Variants in KAT6A observed in about 807,000 individuals in gnomAD.
KAT6A encodes the protein histone acetyltransferase KAT6A.
A neutral mutation model predicts 198.4 loss-of-function variants in KAT6A; 9 were observed. The observed-to-expected ratio is 0.05, with a 90% CI of 0.03 to 0.08. KAT6A has a LOEUF of 0.08. KAT6A is among the 10% of genes least tolerant of loss of function. The pLI is 1.00. For missense variants in KAT6A, 2,077 were observed against 2,509.9 expected (o/e 0.83, Z 3.69); for synonymous variants, 890 against 883.0 (o/e 1.01, Z -0.14).
intron 13 of KAT6A, 137 bp from the exon 14 acceptor site, chr8:41,943,137 A>C: frequency 8.8e-7 from 1 of 1,130,842 alleles, no homozygotes; most frequent in Non-Finnish European, 1.2e-6. Context: ...GATGGAATGC[A>C]GAAATGTGCC....
intron 2 of KAT6A, among the ~76,000 whole-genome samples, chr8:42,041,389 TGCTCCTGGTAC>T (rs1244482551): frequency 9.2e-5 from 14 of 152,180 alleles, no homozygotes; most frequent in African/African-American, 4.8e-5. Context: ...TCTAGGCCAC[TGCTCCTGGTAC>T]ATTTGGAGTC....
At chr8:42,029,926 C>T (rs1471977882) in intron 2 of KAT6A, among the ~76,000 whole-genome samples, 1 of 152,064 alleles carries the variant, frequency 6.6e-6, no homozygotes, top group South Asian at 2.1e-4. Flanking sequence ...TTATTTTGAA[C>T]TGTTTCTCAG....
At chr8:41,956,314 A>T (rs537193264) in intron 8 of KAT6A, among the ~76,000 whole-genome samples, 148 of 152,316 alleles carry the variant, frequency 9.7e-4, no homozygotes, top group African/African-American at 3.3e-3. Context: ...TATATCATGG[A>T]TGCTCTACAA....
intron 8 of KAT6A, among the ~76,000 whole-genome samples, chr8:41,965,400 A>C (rs985263940): frequency 6.6e-6 from 1 of 152,236 alleles, no homozygotes; most frequent in Non-Finnish European, 1.5e-5. Flanking sequence ...GCCACAGGCC[A>C]TATTTTGCCA....
At chr8:41,981,758 CCAG>C in intron 4 of KAT6A, 78 bp downstream of exon 4, 1 of 825,380 alleles carries the variant, frequency 1.2e-6, no homozygotes, top group Non-Finnish European at 2.1e-6. Flanking sequence ...TGAAAAATAA[CCAG>C]TCATACTTAG....
intron 2 of KAT6A, among the ~76,000 whole-genome samples, chr8:42,035,294 G>A (rs570583620): frequency 4.0e-4 from 61 of 152,252 alleles, no homozygotes; most frequent in Admixed American, 1.0e-3. Flanking sequence ...AATGACAGCC[G>A]GTTAAAGGAA....
chr8:41,967,474 G>A (rs1431857941), intron 8 of KAT6A, among the ~76,000 whole-genome samples: 1 of 116,338 alleles, frequency 8.6e-6, no homozygotes. Context: ...AGTCCTCAGA[G>A]TGTGATGTTC....
Position 41,943,731 on chromosome 8 carries a change from A to G in KAT6A, c.2228+17T>C, listed in dbSNP as rs375534316. 1 of 1,580,620 alleles carries G rather than the reference A, an allele frequency of 6.3e-7. No homozygotes were observed. The highest frequency in any genetic ancestry group is 8.7e-7 in the Non-Finnish European group (1 of 1,150,548). On this transcript the variant is annotated intron_variant, in intron 13 of 16. Coordinates refer to ENST00000265713, the MANE Select transcript of KAT6A (RefSeq NM_006766.5). ...CTAATTATCTTTCAAAGGTATACAA[A>G]AAGATGTGATACTCACTGGTCACTA...
Position 41,940,948 on chromosome 8 carries a change from C to A in KAT6A, c.2933G>T (p.Arg978Met). Residue 978 changes from arginine to methionine, a missense_variant, in exon 15 of 17, where the codon AGG becomes ATG. Coordinates refer to ENST00000265713, the MANE Select transcript of KAT6A (RefSeq NM_006766.5). ...RLPRRYSEGD[R>M]AVLRGFSESS... ...CTCACTGAAGCCCCTGAGGACAGCC[C>A]TGTCACCCTCACTGTAGCGACGGGG... 6.2e-7 allele frequency: 1 copy of A among 1,614,222 alleles called. No homozygotes were observed. Among genetic ancestry groups the A allele is most frequent in the Non-Finnish European group, 8.5e-7 (1 of 1,180,040 alleles).
intron 2 of KAT6A, among the ~76,000 whole-genome samples, chr8:41,993,403 TTTG>T (rs769151454): frequency 3.3e-5 from 5 of 152,352 alleles, no homozygotes; most frequent in Non-Finnish European, 5.9e-5. Flanking sequence ...TGAAAAGCAA[TTTG>T]TTAAGCCAAA....
chr8:41,937,704 A>G (rs1821924237), intron 15 of KAT6A, 136 bp from the exon 16 acceptor site: 2 of 645,158 alleles, frequency 3.1e-6, no homozygotes, highest in Admixed American at 3.2e-5. Context: ...TATTTTGAAT[A>G]TTATTTCAAA....
At chr8:42,014,130 AC>A (rs879413376) in intron 2 of KAT6A, among the ~76,000 whole-genome samples, 2 of 152,114 alleles carry the variant, frequency 1.3e-5, no homozygotes, top group African/African-American at 2.4e-5. Flanking sequence ...TAAAAAAAAA[AC>A]ATTTTTAGCT....
At chr8:41,968,854 G>A (rs1823639210) in intron 8 of KAT6A, among the ~76,000 whole-genome samples, 1 of 151,976 alleles carries the variant, frequency 6.6e-6, no homozygotes, top group African/African-American at 2.4e-5. Flanking sequence ...GCTAATGATG[G>A]AACACAGTAC....
chr8:41,976,048 G>A (rs964599136), intron 7 of KAT6A, among the ~76,000 whole-genome samples: 3 of 152,186 alleles, frequency 2.0e-5, no homozygotes, highest in African/African-American at 7.2e-5. Context: ...CATCACTATG[G>A]TAAAAGACCA....
At chr8:41,938,997 G>A (rs1295256361) in intron 15 of KAT6A, among the ~76,000 whole-genome samples, 3 of 149,306 alleles carry the variant, frequency 2.0e-5, no homozygotes, top group Non-Finnish European at 3.0e-5. Flanking sequence ...GCCCAAGAGG[G>A]AAACTAAAAG....
At position 41,994,604 on chromosome 8, in the gene KAT6A, A is replaced by G. The variant is rs374539886; in HGVS notation, c.601-7041T>C. On this transcript the variant is annotated intron_variant, in intron 2 of 16. Transcript: ENST00000265713. ...ATTTCAAAGCAACCCACCAACCCCA[A>G]TAATTCACAAGTTCCTTCCCTGCTT... Among the ~76,000 whole-genome samples, 3 of 152,048 alleles carry G rather than the reference A, an allele frequency of 2.0e-5. No homozygotes were observed. The East Asian group carries it at 5.8e-4, about 29-fold the overall frequency.
intron 8 of KAT6A, 35 bp downstream of exon 8, chr8:41,974,669 T>C: frequency 7.8e-7 from 1 of 1,281,580 alleles, no homozygotes; most frequent in Non-Finnish European, 1.1e-6. Context: ...CATGAACAAG[T>C]TGCTTGATTG....
chr8:41,992,774 A>G (rs1825008146), intron 2 of KAT6A, among the ~76,000 whole-genome samples: 1 of 152,238 alleles, frequency 6.6e-6, no homozygotes, highest in African/African-American at 2.4e-5. Context: ...ATCGCAACTC[A>G]AACTAAATTA....
At chr8:41,990,074 T>C (rs1479970304) in intron 2 of KAT6A, among the ~76,000 whole-genome samples, 1 of 151,704 alleles carries the variant, frequency 6.6e-6, no homozygotes, top group Non-Finnish European at 1.5e-5. Context: ...CCAACAACTC[T>C]AAAGAAGGCC....
Sources: gnomAD v4.1 joint callset for allele counts (sites outside exome capture counted in the v4.1 genomes callset) on GRCh38, gnomAD v4.1.1 for gene constraint, MANE v1.5 for transcripts, NCBI Gene and HGNC (gene_info 2026-07-23, HGNC 2026-07-21) for gene names.